PWWP2A: variants seen among roughly 807,000 people sequenced by gnomAD.
PWWP2A encodes the protein PWWP domain containing 2A.
Under a neutral mutation model 48.5 loss-of-function variants are expected in PWWP2A, and 18 were observed. The observed-to-expected ratio is 0.37, with a 90% CI of 0.26 to 0.55. PWWP2A has a LOEUF of 0.55. Among genes scored for constraint, PWWP2A ranks in the 20% least tolerant of loss-of-function variants. The pLI is 0.81. For missense variants in PWWP2A, 867 were observed against 976.4 expected (o/e 0.89, Z 1.49); for synonymous variants, 396 against 387.7 (o/e 1.02, Z -0.25).
At chr5:160,105,967 A>C (rs185146741) in intron 1 of PWWP2A, among the ~76,000 whole-genome samples, 1 of 152,292 alleles carries the variant, frequency 6.6e-6, no homozygotes, top group African/African-American at 2.4e-5. Context: ...AAGCCAATCA[A>C]GGCAAAACAG....
chr5:160,111,511 C>A (rs1380548754), intron 1 of PWWP2A, among the ~76,000 whole-genome samples: 1 of 151,658 alleles, frequency 6.6e-6, no homozygotes, highest in Non-Finnish European at 1.5e-5. Flanking sequence ...GCATGAGATT[C>A]TAGTCCCAGG....
downstream of PWWP2A, among the ~76,000 whole-genome samples, chr5:160,070,969 C>T (rs1753726039): frequency 6.6e-6 from 1 of 152,234 alleles, no homozygotes; most frequent in African/African-American, 2.4e-5. Context: ...GGGCAAATAG[C>T]TTTAGCCCAG....
chr5:160,049,202 A>C, the PWWP2A span, among the ~76,000 whole-genome samples: 1 of 152,218 alleles, frequency 6.6e-6, no homozygotes, highest in Non-Finnish European at 1.5e-5. Context: ...ATGTGAACTT[A>C]AATTTTAGTG....
At chr5:160,106,820 CTT>C (rs764479391) in intron 1 of PWWP2A, among the ~76,000 whole-genome samples, 6 of 119,754 alleles carry the variant, frequency 5.0e-5, no homozygotes, top group South Asian at 2.8e-4. Context: ...AACCATTAAC[CTT>C]TTTTTTTTTT....
chr5:160,049,678 T>TTAAAAATA, the PWWP2A span: 1 of 1,542,434 alleles, frequency 6.5e-7, no homozygotes, highest in Non-Finnish European at 8.7e-7. Flanking sequence ...ACCTAAAATT[T>TTAAAAATA]TAAAAATATT....
chr5:160,096,906 G>A (rs1475644156), intron 1 of PWWP2A, among the ~76,000 whole-genome samples: 1 of 152,144 alleles, frequency 6.6e-6, no homozygotes, highest in Non-Finnish European at 1.5e-5. Flanking sequence ...TTTTGCATGT[G>A]TAAAATGAAA....
In PWWP2A at chr5:160,092,397, T is replaced by G. The variant is rs1755172266; in HGVS notation, c.2253A>C (p.Thr751=). The G allele has an allele frequency of 6.5e-7, 1 of 1,544,236 alleles. No homozygotes were observed. Among genetic ancestry groups the G allele is most frequent in the Middle Eastern group, 1.7e-4 (1 of 5,938 alleles). The change falls in exon 2 of 2, where the codon ACA becomes ACC. Residue 751 remains threonine, a synonymous_variant. Coordinates refer to ENST00000307063, the MANE Select transcript of PWWP2A (RefSeq NM_001130864.2). ...QLTPEVRALL[T]QFET is the part of the protein sequence containing the mutation. ...CTGCCCATGTTCACGTTTCAAACTG[T>G]GTCAACAAAGCCCGCACTTCGGGGG...
chr5:160,112,387 A>AT (rs1459209197), intron 1 of PWWP2A, among the ~76,000 whole-genome samples: 2 of 151,688 alleles, frequency 1.3e-5, no homozygotes, highest in Non-Finnish European at 2.9e-5. Flanking sequence ...CACCCAGATA[A>AT]TTTTTTGTAT....
chr5:160,072,260 T>G (rs926981128), downstream of PWWP2A, among the ~76,000 whole-genome samples: 3 of 152,166 alleles, frequency 2.0e-5, no homozygotes, highest in African/African-American at 7.2e-5. Flanking sequence ...AATGAAAAAT[T>G]GATTACTGTG....
intron 1 of PWWP2A, among the ~76,000 whole-genome samples, chr5:160,118,208 A>G (rs1042474415): frequency 3.9e-5 from 6 of 152,114 alleles, no homozygotes; most frequent in African/African-American, 1.4e-4. Context: ...AAATTAGCAA[A>G]ATATGCTTCT....
chr5:160,106,674 G>A (rs1756926537), intron 1 of PWWP2A, among the ~76,000 whole-genome samples: 2 of 152,028 alleles, frequency 1.3e-5, no homozygotes, highest in African/African-American at 4.8e-5. Flanking sequence ...ATTATGGACT[G>A]CTTAAACTTA....
At position 160,093,083 on chromosome 5, in the gene PWWP2A, T is replaced by A; in HGVS notation, c.1567A>T (p.Asn523Tyr). The A allele has an allele frequency of 6.2e-7, 1 of 1,613,736 alleles. No homozygotes were observed. The highest frequency in any genetic ancestry group is 8.5e-7 in the Non-Finnish European group (1 of 1,179,836). ...TCAGGGCCTTTTGAGGGACTCTGAT[T>A]TTCTGAAGGGGCCTCACCTGCTGAG... ...TRSAGEAPSE[N>Y]QSPSKGPEEA... Residue 523 changes from asparagine (N) to tyrosine (Y), a missense_variant, in exon 2 of 2, where the codon AAT (asparagine) becomes TAT (tyrosine). Asn to Tyr is a moderately radical substitution (Grantham distance 143). Transcript: ENST00000307063. This position sits in a 1 kb window ranked among gnomAD's most constrained non-coding sequence, Gnocchi z 5.8.
chr5:160,089,707 T>TG, downstream of PWWP2A: 1 of 1,264,440 alleles, frequency 7.9e-7, no homozygotes, highest in South Asian at 1.3e-5. Context: ...TTCCTTCACT[T>TG]GGTTTCTCCC....
chr5:160,071,604 C>T (rs1001431307), downstream of PWWP2A, among the ~76,000 whole-genome samples: 6 of 152,142 alleles, frequency 3.9e-5, no homozygotes, highest in South Asian at 2.1e-4. Context: ...AAGACCAAAG[C>T]GCAAATCTGA....
chr5:160,101,158 C>G (rs1341964253), intron 1 of PWWP2A, among the ~76,000 whole-genome samples: 1 of 152,174 alleles, frequency 6.6e-6, no homozygotes, highest in Non-Finnish European at 1.5e-5. Context: ...CAAGACCAGC[C>G]TGGCCAACAT....
intron 1 of PWWP2A, among the ~76,000 whole-genome samples, chr5:160,098,713 T>C (rs1755943236): frequency 1.3e-5 from 2 of 152,196 alleles, no homozygotes; most frequent in South Asian, 4.1e-4. Flanking sequence ...AACTATAAAC[T>C]TAATAAGAAT....
At chr5:160,105,800 T>G (rs1756839148) in intron 1 of PWWP2A, 1 of 202,112 alleles carries the variant, frequency 4.9e-6, no homozygotes, top group Non-Finnish European at 8.6e-6. Flanking sequence ...AAAAAATTCC[T>G]CAAAGAAAGG....
downstream of PWWP2A, chr5:160,089,469 T>C: frequency 8.7e-7 from 1 of 1,155,054 alleles, no homozygotes; most frequent in Non-Finnish European, 1.1e-6. Flanking sequence ...ACCTTGGCCT[T>C]CCAAACTTCT....
At chr5:160,104,122 C>CAAAAAAAAAAAAAAAAAAAAA (rs70990703) in intron 1 of PWWP2A, among the ~76,000 whole-genome samples, 11 of 61,764 alleles carry the variant, frequency 1.8e-4, no homozygotes, top group East Asian at 5.5e-4. Context: ...GACTCTGTCT[C>CAAAAAAAAAAAAAAAAAAAAA]AAAAAAAAAA....
Sources: gnomAD v4.1 joint callset for allele counts (sites outside exome capture counted in the v4.1 genomes callset) on GRCh38, gnomAD v4.1.1 for gene constraint, Gnocchi (gnomAD v3.1) non-coding constraint, MANE v1.5 for transcripts, NCBI Gene and HGNC (gene_info 2026-07-23, HGNC 2026-07-21) for gene names.